MAEA: variants seen among roughly 807,000 people sequenced by gnomAD.
The protein encoded by MAEA is E3 ubiquitin-protein transferase MAEA.
A neutral mutation model predicts 46.2 loss-of-function variants in MAEA; 22 were observed. The ratio of observed to expected loss-of-function variants is 0.48; its 90% CI spans 0.34 to 0.68. MAEA has a LOEUF of 0.68. MAEA is among the 30% of genes least tolerant of loss of function. The pLI, the probability that MAEA is intolerant of heterozygous loss-of-function variation, is 0.01. For missense variants in MAEA, 393 were observed against 558.1 expected, an observed-to-expected ratio of 0.70 and a Z score of 2.98; for synonymous variants, 246 against 222.6, an observed-to-expected ratio of 1.11 and a Z score of -0.94.
chr4:1,319,726 C>T (rs901885836), intron 3 of MAEA, among the ~76,000 whole-genome samples: 2 of 51,444 alleles, frequency 3.9e-5, no homozygotes, highest in Non-Finnish European at 3.3e-5. Flanking sequence ...GACAAGAGAG[C>T]GAGACCCTGT....
At chr4:1,310,047 G>A (rs1365549139) in intron 1 of MAEA, 8 of 1,138,452 alleles carry the variant, frequency 7.0e-6, no homozygotes, top group Admixed American at 9.2e-5. Flanking sequence ...TGGTTGTGCC[G>A]CTTTGTCTAA....
chr4:1,320,238 G>T (rs567207031), intron 3 of MAEA, among the ~76,000 whole-genome samples: 67 of 144,358 alleles, frequency 4.6e-4, no homozygotes, highest in African/African-American at 1.7e-3. Flanking sequence ...CTTCAGAAAA[G>T]AAATCAAAGC....
intron 1 of MAEA, among the ~76,000 whole-genome samples, chr4:1,310,169 A>G (rs1367471031): frequency 6.7e-6 from 1 of 149,854 alleles, no homozygotes; most frequent in Non-Finnish European, 1.5e-5. Flanking sequence ...GTGGCAGGAC[A>G]CACTCAGATA....
intron 1 of MAEA, among the ~76,000 whole-genome samples, chr4:1,307,971 G>C (rs2108893512): frequency 6.7e-6 from 1 of 149,692 alleles, no homozygotes; most frequent in East Asian, 1.9e-4. Flanking sequence ...ATCCCATCAA[G>C]TTGATGCCTG....
chr4:1,327,555 C>T (rs899513454), intron 4 of MAEA, 72 bp from the exon 5 acceptor site: 33 of 1,010,758 alleles, frequency 3.3e-5, no homozygotes, highest in East Asian at 9.5e-5. Flanking sequence ...GGTGGACATG[C>T]GGGTGCGGCA....
Position 1,327,664 on chromosome 4 carries a change from T to C in MAEA, c.617T>C (p.Ile206Thr), listed in dbSNP as rs755639546. The C allele has an allele frequency of 1.2e-6, 2 of 1,613,924 alleles. No homozygotes were observed. The highest frequency in any genetic ancestry group is 3.3e-5 in the Admixed American group (2 of 60,018). Residue 206 changes from isoleucine (I) to threonine (T), a missense_variant, in exon 5 of 9, where the codon ATT becomes ACT. Physicochemically the swap from Ile to Thr is moderately conservative, Grantham distance 89 (BLOSUM62 -1). Coordinates refer to ENST00000303400, the MANE Select transcript of MAEA (RefSeq NM_001017405.3). ...LEFSLRIQEF[I>T]ELIRQNKRLD... The stretch of plus-strand genomic sequence containing the variant: ...TTCAGCCTCAGAATCCAGGAGTTCA[T>C]TGAACTCATCCGGCAGAATAAGAGA...
intron 1 of MAEA, among the ~76,000 whole-genome samples, chr4:1,302,582 C>G (rs1053202761): frequency 1.3e-5 from 2 of 152,210 alleles, no homozygotes; most frequent in Admixed American, 1.3e-4. Flanking sequence ...CGGGTTCACG[C>G]CATTCTTTTG....
intron 1 of MAEA, 27 bp downstream of exon 1, chr4:1,290,009 G>T: frequency 1.9e-6 from 3 of 1,553,332 alleles, no homozygotes; most frequent in Non-Finnish European, 2.6e-6. Context: ...CGCAGGCTGA[G>T]GGCAGCGAAG....
chr4:1,313,446 C>G (rs908482540), intron 2 of MAEA, among the ~76,000 whole-genome samples: 2 of 152,330 alleles, frequency 1.3e-5, no homozygotes, highest in East Asian at 3.9e-4. Flanking sequence ...AGAACAGAAG[C>G]AGGCTGGGCG....
chr4:1,338,975 TG>T (rs1314649036), intron 8 of MAEA, 98 bp from the exon 9 acceptor site: 8 of 999,926 alleles, frequency 8.0e-6, no homozygotes, highest in Non-Finnish European at 1.3e-5. Context: ...CCTGAGAGGA[TG>T]AGTCATTCCC....
At chr4:1,317,705 C>T (rs1466637603) in intron 3 of MAEA, among the ~76,000 whole-genome samples, 1 of 152,216 alleles carries the variant, frequency 6.6e-6, no homozygotes, top group East Asian at 1.9e-4. Flanking sequence ...TATGGCGTCT[C>T]GGTTCACAAG....
intron 4 of MAEA, among the ~76,000 whole-genome samples, chr4:1,323,188 A>G (rs1210834427): frequency 6.6e-6 from 1 of 151,898 alleles, no homozygotes; most frequent in Admixed American, 6.6e-5. Context: ...CTTGTGATCC[A>G]CCTGCCTCAA....
At chr4:1,323,429 C>T (rs1738400578) in intron 4 of MAEA, 2 of 700,980 alleles carry the variant, frequency 2.9e-6, no homozygotes. Flanking sequence ...CTGCTTTAAC[C>T]TCACCCTGGC....
At chr4:1,294,701 G>A (rs1353401766) in intron 1 of MAEA, among the ~76,000 whole-genome samples, 2 of 151,772 alleles carry the variant, frequency 1.3e-5, no homozygotes, top group African/African-American at 2.4e-5. Context: ...TCTACGCTCC[G>A]GTGGGAGGGA....
intron 4 of MAEA, chr4:1,323,645 C>T (rs1272733004): frequency 1.4e-6 from 1 of 701,916 alleles, no homozygotes; most frequent in Admixed American, 2.0e-5. Flanking sequence ...AGTGCCAGCC[C>T]CACACTCCCT....
chr4:1,314,695 C>T (rs1225190089), intron 2 of MAEA, among the ~76,000 whole-genome samples: 1 of 152,180 alleles, frequency 6.6e-6, no homozygotes, highest in Non-Finnish European at 1.5e-5. Context: ...CGTGGTGGAA[C>T]TGAAGAAAAC....
chr4:1,307,554 G>A (rs1395474994), intron 1 of MAEA, among the ~76,000 whole-genome samples: 3 of 152,226 alleles, frequency 2.0e-5, no homozygotes, highest in Non-Finnish European at 4.4e-5. Flanking sequence ...CCAGGGGGAC[G>A]GAACTCATAA....
chr4:1,334,472 A>C (rs1712483269), intron 6 of MAEA, among the ~76,000 whole-genome samples: 1 of 152,196 alleles, frequency 6.6e-6, no homozygotes. Context: ...GTGGGGTCTG[A>C]GCTTCCCAGA....
chr4:1,302,105 A>G (rs6829118), intron 1 of MAEA, among the ~76,000 whole-genome samples: 23,426 of 151,918 alleles, frequency 0.15, 3,467 homozygotes, highest in East Asian at 0.42. Context: ...ATTCAACAAA[A>G]TCTTAGAAAA....
Sources: allele counts gnomAD v4.1 joint callset (sites outside exome capture counted in the v4.1 genomes callset), GRCh38; gene constraint gnomAD v4.1.1; transcripts MANE v1.5; gene names NCBI Gene and HGNC (gene_info 2026-07-23, HGNC 2026-07-21).